AGBL3: variants seen among roughly 807,000 people sequenced by gnomAD.
The protein encoded by AGBL3 is AGBL carboxypeptidase 3.
A neutral mutation model predicts 94.5 loss-of-function variants in AGBL3; 68 were observed. The observed-to-expected ratio is 0.72, with a 90% CI of 0.59 to 0.88. The LOEUF is 0.88. AGBL3 is among the 40% of genes least tolerant of loss of function. The pLI is 0.00. For synonymous variants in AGBL3, 354 were observed against 370.7 expected (o/e 0.95, Z 0.52); for missense variants, 934 against 1,103.8 (o/e 0.85, Z 2.18).
At chr7:135,002,727 C>A (rs1331708413) in intron 4 of AGBL3, among the ~76,000 whole-genome samples, 1 of 152,262 alleles carries the variant, frequency 6.6e-6, no homozygotes, top group Non-Finnish European at 1.5e-5. Context: ...AATGAGAGTA[C>A]CTATTTTCCC....
chr7:135,010,023 T>A (rs1490578883), intron 4 of AGBL3: 2 of 54,220 alleles, frequency 3.7e-5, no homozygotes, highest in Admixed American at 4.1e-4. Context: ...AGGATGACAC[T>A]TTTTTTTTTT....
intron 15 of AGBL3, among the ~76,000 whole-genome samples, chr7:135,099,540 C>T (rs1021188851): frequency 1.3e-5 from 2 of 152,082 alleles, no homozygotes; most frequent in Non-Finnish European, 2.9e-5. Context: ...AATACCTGAA[C>T]GAGCCCCTTC....
intron 3 of AGBL3, among the ~76,000 whole-genome samples, chr7:134,990,494 C>T (rs897956911): frequency 1.3e-5 from 2 of 152,180 alleles, no homozygotes; most frequent in Non-Finnish European, 2.9e-5. Flanking sequence ...ATTTAGCCAT[C>T]CATTCATGCT....
chr7:135,031,657 A>G lies in AGBL3; in HGVS notation c.419-1187A>G, dbSNP rs113916250. Reference sequence around the variant, plus strand: ...TCTTTCAGGCTTGCTTTGATTTTGTATAGAGGCAGGTCTGTTTTCATTTTA... The same window carrying G: ...TCTTTCAGGCTTGCTTTGATTTTGTGTAGAGGCAGGTCTGTTTTCATTTTA... On this transcript the variant is annotated intron_variant, in intron 5 of 16. Coordinates refer to ENST00000436302, the MANE Select transcript of AGBL3 (RefSeq NM_178563.4). 1.3e-3 allele frequency among the ~76,000 whole-genome samples: 199 copies of G among 152,276 alleles called. 4 individuals carry two copies. The highest frequency in any genetic ancestry group is 4.7e-3 in the African/African-American group (194 of 41,560).
chr7:135,029,862 G>A (rs987131521), intron 5 of AGBL3, among the ~76,000 whole-genome samples: 2 of 152,076 alleles, frequency 1.3e-5, no homozygotes, highest in African/African-American at 2.4e-5. Flanking sequence ...TTTCAATATT[G>A]TTATGTCTCA....
chr7:135,093,873 G>C (rs1470199969), intron 15 of AGBL3: 3 of 152,816 alleles, frequency 2.0e-5, no homozygotes, highest in African/African-American at 7.2e-5. Context: ...AATTGAGACT[G>C]TGTGGTACTG....
chr7:135,090,681 T>A (rs1232469377), intron 15 of AGBL3, among the ~76,000 whole-genome samples: 1 of 152,120 alleles, frequency 6.6e-6, no homozygotes, highest in Non-Finnish European at 1.5e-5. Flanking sequence ...TGCTTTAAGT[T>A]AGGCACTGGG....
intron 5 of AGBL3, among the ~76,000 whole-genome samples, chr7:135,018,053 A>G (rs1814007437): frequency 6.6e-6 from 1 of 152,226 alleles, no homozygotes. Context: ...AGAGTAATTT[A>G]ATAAAGTTTA....
chr7:135,048,555 A>G (rs1274863570), intron 11 of AGBL3, among the ~76,000 whole-genome samples: 1 of 151,948 alleles, frequency 6.6e-6, no homozygotes, highest in Non-Finnish European at 1.5e-5. Context: ...TTTTCATTAT[A>G]CAAGTCTTAG....
intron 4 of AGBL3, among the ~76,000 whole-genome samples, chr7:135,014,510 A>G (rs571412153): frequency 6.6e-6 from 1 of 152,360 alleles, no homozygotes; most frequent in East Asian, 1.9e-4. Flanking sequence ...GAAGTCTCAC[A>G]GTAGCCAAGT....
intron 15 of AGBL3, among the ~76,000 whole-genome samples, chr7:135,113,628 G>T (rs1221445493): frequency 2.6e-5 from 4 of 152,080 alleles, no homozygotes; most frequent in Non-Finnish European, 5.9e-5. Context: ...TTTACTCAGG[G>T]TTCCACCCAC....
At chr7:135,125,443 C>T (rs191095675) in intron 16 of AGBL3, among the ~76,000 whole-genome samples, 30 of 152,196 alleles carry the variant, frequency 2.0e-4, no homozygotes, top group South Asian at 1.9e-3. Flanking sequence ...GACGGATTCA[C>T]GGCTGAATTT....
Position 135,080,379 on chromosome 7 carries a change from G to T in AGBL3, c.2038+119G>T. 4 of 733,588 alleles carry T rather than the reference G, an allele frequency of 5.5e-6. No individual in the cohort carries two copies. The South Asian group carries it at 6.7e-5, about 12-fold the overall frequency. The allele number at this position is 733,588 out of a possible 1,614,324, so 45.4% of individuals were successfully genotyped here. ...GGTGCTAGGGATATTAAATGTATAT[G>T]ATACCATTTCTTCCCTGCAGGACCT... On this transcript the variant is annotated intron_variant, in intron 14 of 16. Coordinates refer to ENST00000436302, the MANE Select transcript of AGBL3 (RefSeq NM_178563.4).
At chr7:135,004,202 A>G (rs1262024767) in intron 4 of AGBL3, among the ~76,000 whole-genome samples, 1 of 151,666 alleles carries the variant, frequency 6.6e-6, no homozygotes, top group Non-Finnish European at 1.5e-5. Flanking sequence ...GGATTATGAT[A>G]TTCTTCTCAT....
intron 12 of AGBL3, among the ~76,000 whole-genome samples, chr7:135,075,723 G>A (rs1216818612): frequency 6.6e-6 from 1 of 152,170 alleles, no homozygotes; most frequent in Non-Finnish European, 1.5e-5. Flanking sequence ...TCCGTTTTCT[G>A]TGCATCCTCA....
At chr7:135,096,886 A>G (rs1269989033) in intron 15 of AGBL3, among the ~76,000 whole-genome samples, 1 of 152,214 alleles carries the variant, frequency 6.6e-6, no homozygotes, top group African/African-American at 2.4e-5. Flanking sequence ...AGAGCATATG[A>G]CAAAATATGC....
At chr7:135,132,883 T>C (rs1828980630) in intron 16 of AGBL3, among the ~76,000 whole-genome samples, 1 of 152,142 alleles carries the variant, frequency 6.6e-6, no homozygotes, top group Non-Finnish European at 1.5e-5. Context: ...AGCGTGAGAA[T>C]AGAATAATAC....
chr7:135,068,493 G>A (rs1360120311), intron 12 of AGBL3, among the ~76,000 whole-genome samples: 5 of 152,092 alleles, frequency 3.3e-5, no homozygotes, highest in Admixed American at 2.0e-4. Context: ...GAGAAAGGTC[G>A]GGTTACCCAC....
intron 12 of AGBL3, among the ~76,000 whole-genome samples, chr7:135,066,308 A>G (rs1294639504): frequency 6.6e-6 from 1 of 152,222 alleles, no homozygotes; most frequent in East Asian, 1.9e-4. Context: ...TGATTTTAAA[A>G]TGGGCTAAGT....
Sources: gnomAD v4.1 joint callset for allele counts (sites outside exome capture counted in the v4.1 genomes callset) on GRCh38, gnomAD v4.1.1 for gene constraint, MANE v1.5 for transcripts, NCBI Gene and HGNC (gene_info 2026-07-23, HGNC 2026-07-21) for gene names.